Variants in MTHFD1L observed in about 807,000 individuals in gnomAD.
MTHFD1L encodes methylenetetrahydrofolate dehydrogenase (NADP+ dependent) 1 like.
A neutral mutation model predicts 119.5 loss-of-function variants in MTHFD1L; 81 were observed. That is an observed-to-expected ratio of 0.68 (90% CI 0.57 to 0.82). The LOEUF is 0.82. Ranked by LOEUF, MTHFD1L falls within the 40% of genes least tolerant of loss-of-function variation. The pLI is 0.00. For missense variants in MTHFD1L, 1,125 were observed against 1,253.4 expected (o/e 0.90, Z 1.55); for synonymous variants, 430 against 475.2 (o/e 0.90, Z 1.24).
chr6:150,914,210 T>C (rs1218236689), intron 8 of MTHFD1L, among the ~76,000 whole-genome samples: 1 of 152,184 alleles, frequency 6.6e-6, no homozygotes. Context: ...GGTGGGAAGA[T>C]GGCTTGAGCC....
chr6:150,966,849 T>A (rs960540795), intron 19 of MTHFD1L, among the ~76,000 whole-genome samples: 3 of 151,748 alleles, frequency 2.0e-5, no homozygotes. Flanking sequence ...TAGAAAAAAA[T>A]GGGGGGACCA....
chr6:150,911,425 T>C lies in MTHFD1L; in HGVS notation c.892+5664T>C, dbSNP rs993076611. On this transcript the variant is annotated intron_variant, in intron 8 of 27. Transcript: ENST00000367321. ...GTCACAAAAATTTTACCAAATGATA[T>C]GTATTAGTCCATTCTCACACTGCTA... is the stretch of plus-strand genomic sequence containing the variant. 2.6e-5 allele frequency among the ~76,000 whole-genome samples: 4 copies of C among 152,218 alleles called. No individual in the cohort carries two copies. In the South Asian group the frequency reaches 6.2e-4, roughly 24 times the overall value.
rs1477822591 is a variant in MTHFD1L, at chr6:151,009,926, C to T, written c.2233C>T (p.Arg745Ter). The T allele has an allele frequency of 1.9e-6, 3 of 1,612,556 alleles. No homozygotes were observed. Among genetic ancestry groups the T allele is most frequent in the Non-Finnish European group, 2.5e-6 (3 of 1,179,532 alleles). The change falls in exon 21 of 28, where the codon CGA (arginine) becomes TGA (stop). Residue 745 changes from arginine (R) to a stop codon, truncating the protein, a stop_gained. Coordinates refer to ENST00000367321, the MANE Select transcript of MTHFD1L (RefSeq NM_015440.5). LOFTEE classifies it high-confidence loss of function. ...CGTGGTTGTGTTAGTGGCAACGGTG[C>T]GAGCTCTGAAGATGCATGGAGGCGG... ...PNVVVLVATV[R>*]ALKMHGGGPS... is the part of the protein sequence containing the mutation.
intron 17 of MTHFD1L, chr6:150,959,286 C>A: frequency 1.3e-6 from 1 of 778,666 alleles, no homozygotes; most frequent in South Asian, 5.9e-5. Flanking sequence ...ATAAGGTGAT[C>A]CCACCAGGGC....
rs1246806876 is a variant in MTHFD1L at position 150,866,167 on chromosome 6, A to G, written c.227+118A>G. On this transcript the variant is annotated intron_variant, in intron 1 of 27. Transcript: ENST00000367321. Reference sequence around the variant, plus strand: ...GCGGGGCTGCGAGTGTTTGGTGCCAACTCATTAGGGGGGCCGGGCGGTGTG... The same window carrying G: ...GCGGGGCTGCGAGTGTTTGGTGCCAGCTCATTAGGGGGGCCGGGCGGTGTG... 1.3e-5 allele frequency: 18 copies of G among 1,377,688 alleles called. 1 individual carries two copies. Among genetic ancestry groups the G allele is most frequent in the South Asian group, 5.9e-5 (4 of 68,362 alleles). The allele number at this position is 1,377,688 out of a possible 1,614,324, so 85.3% of individuals were successfully genotyped here. A position where few individuals can be genotyped will look rare whatever the true frequency, so the allele number is the denominator to read the frequency against.
chr6:150,935,396 C>T, intron 11 of MTHFD1L: 2 of 1,613,936 alleles, frequency 1.2e-6, no homozygotes, highest in Non-Finnish European at 1.7e-6. Flanking sequence ...CTCATTGTCT[C>T]TTTCAGAAAT....
In MTHFD1L at chr6:150,918,064, C is replaced by CTTTTT. The variant is rs397887884; in HGVS notation, c.893-498_893-494dup. 1.1e-3 allele frequency among the ~76,000 whole-genome samples: 134 copies of CTTTTT among 121,944 alleles called. 1 individual carries two copies. The highest frequency in any genetic ancestry group is 3.9e-3 in the African/African-American group (122 of 31,368). The allele number at this position is 121,944 out of a possible 152,430, so 80.0% of individuals were successfully genotyped here. A position where few individuals can be genotyped will look rare whatever the true frequency, so the allele number is the denominator to read the frequency against. On this transcript the variant is annotated intron_variant, in intron 8 of 27. Transcript: ENST00000367321. ...ATCCCAGGTTAATAGCTTAGATGGCCTTTTTTTTTTTTTTTTTTTGAGATG... is the reference window on the plus strand; with the variant it reads ...ATCCCAGGTTAATAGCTTAGATGGCCTTTTTTTTTTTTTTTTTTTTTTTTGAGATG...
At chr6:150,932,832 A>G (rs1791354820) in intron 11 of MTHFD1L, among the ~76,000 whole-genome samples, 2 of 142,820 alleles carry the variant, frequency 1.4e-5, no homozygotes, top group Admixed American at 1.4e-4. Flanking sequence ...GGAAGGAAGG[A>G]AGGAAGGAAG....
chr6:150,913,408 G>A lies in MTHFD1L; in HGVS notation c.893-5169G>A, dbSNP rs1037435666. The stretch of plus-strand genomic sequence containing the variant: ...TCTCGATCTCCTGACCTGGTCATCC[G>A]CCCGACTCGGCCTCCCAAAGTGCTG... On this transcript the variant is annotated intron_variant, in intron 8 of 27. Coordinates refer to ENST00000367321, the MANE Select transcript of MTHFD1L (RefSeq NM_015440.5). Among the ~76,000 whole-genome samples, 4 of 151,802 alleles carry A rather than the reference G, an allele frequency of 2.6e-5. No homozygotes were observed. The South Asian group carries it at 6.2e-4, about 24-fold the overall frequency.
intron 26 of MTHFD1L, among the ~76,000 whole-genome samples, chr6:151,090,173 G>A (rs1361071807): frequency 6.6e-6 from 1 of 152,222 alleles, no homozygotes. Context: ...GCAGGGAAGG[G>A]GGTGTTAATG....
At chr6:151,000,335 C>CAA (rs946814251) in intron 20 of MTHFD1L, among the ~76,000 whole-genome samples, 1,023 of 75,280 alleles carry the variant, frequency 0.014, 6 homozygotes, top group Non-Finnish European at 0.024. Context: ...GACTCTGTCT[C>CAA]AAAAAAAAAA....
chr6:150,981,540 AC>A (rs1487794442), intron 20 of MTHFD1L, among the ~76,000 whole-genome samples: 1 of 152,144 alleles, frequency 6.6e-6, no homozygotes, highest in Non-Finnish European at 1.5e-5. Flanking sequence ...ATATTAACTG[AC>A]TGCATTGTTC....
chr6:151,018,060 T>C (rs986601115), intron 24 of MTHFD1L, among the ~76,000 whole-genome samples: 1 of 152,138 alleles, frequency 6.6e-6, no homozygotes, highest in South Asian at 2.1e-4. Context: ...CTCACTCTCC[T>C]CCTCAGATCG....
At position 151,009,813 on chromosome 6, in the gene MTHFD1L, C is replaced by G. The variant is rs771216723; in HGVS notation, c.2126-6C>G. Reference sequence around the variant, plus strand: ...AATAGCACATATTCCACTTGCTTCCCCACAGTGACCGAAGCTGGCTTTGGT... The same window carrying G: ...AATAGCACATATTCCACTTGCTTCCGCACAGTGACCGAAGCTGGCTTTGGT... On this transcript the variant is annotated splice_region_variant and splice_polypyrimidine_tract_variant and intron_variant, in intron 20 of 27. Transcript: ENST00000367321. 88 of 1,613,356 alleles carry G rather than the reference C, an allele frequency of 5.5e-5. No homozygotes were observed. In the South Asian group the frequency reaches 9.1e-4, roughly 17 times the overall value.
intron 7 of MTHFD1L, among the ~76,000 whole-genome samples, chr6:150,897,009 C>T (rs997479243): frequency 4.0e-5 from 6 of 151,764 alleles, no homozygotes; most frequent in African/African-American, 9.7e-5. Flanking sequence ...CTCTGCTACT[C>T]GGGAGGCTGA....
At chr6:151,001,150 A>G (rs1042886556) in intron 20 of MTHFD1L, among the ~76,000 whole-genome samples, 4 of 152,202 alleles carry the variant, frequency 2.6e-5, no homozygotes, top group East Asian at 1.9e-4. Context: ...TCCAGACGTA[A>G]TGGTGAACTC....
intron 7 of MTHFD1L, among the ~76,000 whole-genome samples, chr6:150,894,984 G>A (rs1266544004): frequency 6.6e-6 from 1 of 152,224 alleles, no homozygotes; most frequent in African/African-American, 2.4e-5. Context: ...AGACCCTAGA[G>A]GTGGGGAGGG....
chr6:150,887,756 C>T, intron 6 of MTHFD1L, 89 bp from the exon 7 acceptor site: 1 of 1,408,836 alleles, frequency 7.1e-7, no homozygotes, highest in Non-Finnish European at 9.4e-7. Context: ...CACACCCAGC[C>T]TAAAAGGGTC....
chr6:151,067,771 G>C (rs1791496936), intron 26 of MTHFD1L, among the ~76,000 whole-genome samples: 1 of 152,222 alleles, frequency 6.6e-6, no homozygotes, highest in South Asian at 2.1e-4. Flanking sequence ...CCCCACCCCA[G>C]TGACCCTGCC....
Sources: allele counts gnomAD v4.1 joint callset (sites outside exome capture counted in the v4.1 genomes callset), GRCh38; gene constraint gnomAD v4.1.1; transcripts MANE v1.5; gene names NCBI Gene and HGNC (gene_info 2026-07-23, HGNC 2026-07-21).